KIRREL1: variants seen among roughly 807,000 people sequenced by gnomAD.
KIRREL1 encodes the protein kirre like nephrin family adhesion molecule 1.
A neutral mutation model predicts 83.3 loss-of-function variants in KIRREL1; 25 were observed. The observed-to-expected ratio is 0.30, with a 90% CI of 0.22 to 0.42. The LOEUF (loss-of-function observed/expected upper bound fraction) is 0.42, where lower values mean the gene tolerates loss of function less well. KIRREL1 is among the 10% of genes least tolerant of loss of function. The probability of loss-of-function intolerance (pLI) is 1.00; values close to 1 mark genes in which losing one functional copy is unlikely to be tolerated. For missense variants in KIRREL1, 812 were observed against 1,032.3 expected, an observed-to-expected ratio of 0.79 and a Z score of 2.92; for synonymous variants, 388 against 410.4, an observed-to-expected ratio of 0.95 and a Z score of 0.66.
chr1:158,081,055 C>T (rs56740001), intron 3 of KIRREL1, among the ~76,000 whole-genome samples: 22,250 of 141,472 alleles, frequency 0.16, 4,675 homozygotes, highest in African/African-American at 0.26. Context: ...GCCAGGGGCC[C>T]TCTTCACAAA....
chr1:158,055,238 G>A (rs1018212071), intron 1 of KIRREL1, among the ~76,000 whole-genome samples: 3 of 152,064 alleles, frequency 2.0e-5, no homozygotes, highest in African/African-American at 4.8e-5. Context: ...CAAGGAAGGG[G>A]AGGCGGCCTC....
chr1:158,055,871 C>T (rs2101598395), intron 1 of KIRREL1, among the ~76,000 whole-genome samples: 1 of 152,266 alleles, frequency 6.6e-6, no homozygotes, highest in East Asian at 1.9e-4. Context: ...AGTCCAGCAC[C>T]CTCCAGGAAG....
chr1:158,009,432 C>T (rs1281750645), intron 1 of KIRREL1, among the ~76,000 whole-genome samples: 1 of 152,180 alleles, frequency 6.6e-6, no homozygotes, highest in Non-Finnish European at 1.5e-5. Context: ...GAGCCTCTGA[C>T]CCATGATAGG....
intron 1 of KIRREL1, among the ~76,000 whole-genome samples, chr1:158,013,213 A>C (rs1659735253): frequency 6.6e-6 from 1 of 152,198 alleles, no homozygotes; most frequent in South Asian, 2.1e-4. Context: ...GATGAAGTAA[A>C]GTATTTTGTC....
intron 1 of KIRREL1, among the ~76,000 whole-genome samples, chr1:158,034,893 G>A (rs1194745538): frequency 6.6e-6 from 1 of 152,058 alleles, no homozygotes; most frequent in African/African-American, 2.4e-5. Flanking sequence ...ATATAAATGT[G>A]TACTTTTTTT....
chr1:158,003,174 T>A (rs925053022), intron 1 of KIRREL1, among the ~76,000 whole-genome samples: 1 of 152,062 alleles, frequency 6.6e-6, no homozygotes, highest in Non-Finnish European at 1.5e-5. Flanking sequence ...AAGCCATGAG[T>A]TGCTTTTAAC....
chr1:158,080,680 T>C (rs1355706492), intron 3 of KIRREL1, among the ~76,000 whole-genome samples: 1 of 152,192 alleles, frequency 6.6e-6, no homozygotes, highest in African/African-American at 2.4e-5. Context: ...CTCGGGGCTC[T>C]ACCCATCCAG....
rs1384103264 is a variant in KIRREL1, at chr1:157,993,753, GA to G, written c.52+26del. 3 of 1,452,992 alleles carry G rather than the reference GA, an allele frequency of 2.1e-6. No individual in the cohort carries two copies. The Admixed American group carries it at 7.4e-5, about 36-fold the overall frequency. 90.0% of individuals were successfully genotyped at this position (1,452,992 alleles called of 1,614,324 possible). ...GGTAAGGGCCCCCAGCCCACCCCCG[GA>G]CGCTCGGCTTCCCCCCGGGGCCGGG... is the stretch of plus-strand genomic sequence containing the variant. On this transcript the variant is annotated intron_variant, in intron 1 of 14. Transcript: ENST00000359209.
At position 158,097,021 on chromosome 1, in the gene KIRREL1, C is replaced by A. The variant is rs1055658139; in HGVS notation, c.*1901C>A. On this transcript the variant is annotated 3_prime_UTR_variant, in exon 15 of 15. Coordinates refer to ENST00000359209, the MANE Select transcript of KIRREL1 (RefSeq NM_018240.7). ...GAAGGACCAGATAATACCCAGGAAG[C>A]AAGTAGCTCTAATTTTAACTTCACA... 8.8e-6 allele frequency: 4 copies of A among 456,952 alleles called. No individual in the cohort carries two copies. The highest frequency in any genetic ancestry group is 3.2e-4 in the Middle Eastern group (1 of 3,078). 28.3% of individuals were successfully genotyped at this position (456,952 alleles called of 1,614,324 possible). A position where few individuals can be genotyped will look rare whatever the true frequency, so the allele number is the denominator to read the frequency against.
intron 1 of KIRREL1, among the ~76,000 whole-genome samples, chr1:158,072,917 A>G (rs1661560193): frequency 6.6e-6 from 1 of 152,010 alleles, no homozygotes; most frequent in African/African-American, 2.4e-5. Context: ...ATTACAATGT[A>G]AAAGGGGGAT....
intron 1 of KIRREL1, among the ~76,000 whole-genome samples, chr1:158,055,108 CT>C (rs1661016891): frequency 6.6e-6 from 1 of 152,130 alleles, no homozygotes; most frequent in South Asian, 2.1e-4. Flanking sequence ...CACTAAGCAC[CT>C]GCACTTGGGA....
chr1:158,028,038 C>T (rs1025504810), intron 1 of KIRREL1, among the ~76,000 whole-genome samples: 2 of 152,126 alleles, frequency 1.3e-5, no homozygotes, highest in African/African-American at 4.8e-5. Flanking sequence ...TATTTCTCAT[C>T]ACCTCCCTAC....
chr1:158,005,886 A>T (rs1350482234), intron 1 of KIRREL1, among the ~76,000 whole-genome samples: 1 of 151,792 alleles, frequency 6.6e-6, no homozygotes, highest in African/African-American at 2.4e-5. Context: ...CACAGGCCAG[A>T]GGAGAGAGAC....
intron 1 of KIRREL1, among the ~76,000 whole-genome samples, chr1:158,056,453 A>G (rs998931351): frequency 1.3e-5 from 2 of 152,192 alleles, no homozygotes; most frequent in African/African-American, 4.8e-5. Flanking sequence ...GGAGCAGGCC[A>G]AAGAGCCCCC....
intron 1 of KIRREL1, among the ~76,000 whole-genome samples, chr1:158,059,017 G>A (rs1487172468): frequency 1.3e-5 from 2 of 152,142 alleles, no homozygotes; most frequent in Admixed American, 1.3e-4. Flanking sequence ...CCTGAGTTGT[G>A]GGGCAGATAG....
Position 158,095,712 on chromosome 1 carries a change from T to G in KIRREL1, c.*592T>G, listed in dbSNP as rs1662338563. Reference sequence around the variant, plus strand: ...CACTGCATTCAAATCCAGTCTTCATTCAGCTGGGATCAAAATGCCAGTCAC... The same window carrying G: ...CACTGCATTCAAATCCAGTCTTCATGCAGCTGGGATCAAAATGCCAGTCAC... On this transcript the variant is annotated 3_prime_UTR_variant, in exon 15 of 15. Coordinates refer to ENST00000359209, the MANE Select transcript of KIRREL1 (RefSeq NM_018240.7). The G allele has an allele frequency of 6.6e-6, 1 of 152,290 alleles. No homozygotes were observed. Among genetic ancestry groups the G allele is most frequent in the African/African-American group, 2.4e-5 (1 of 41,446 alleles). 9.4% of individuals were successfully genotyped at this position (152,290 alleles called of 1,614,324 possible).
chr1:158,080,016 T>C (rs886202156), intron 3 of KIRREL1, among the ~76,000 whole-genome samples: 1 of 152,102 alleles, frequency 6.6e-6, no homozygotes, highest in Admixed American at 6.6e-5. Flanking sequence ...TGGAAAGAAT[T>C]AGCAAGGAGC....
intron 10 of KIRREL1, among the ~76,000 whole-genome samples, chr1:158,090,775 T>C (rs963655562): frequency 1.6e-4 from 25 of 152,120 alleles, no homozygotes; most frequent in African/African-American, 6.0e-4. Context: ...CGCCTAAAGA[T>C]TGAGTTATGC....
Position 158,086,740 on chromosome 1 carries a change from G to A in KIRREL1, c.655G>A (p.Val219Met). ...CAAGGAGACTTCCATCGAGCTGGATGTGCACCGTGAGTGGGCTGGGGGGAG... is the reference window on the plus strand; with the variant it reads ...CAAGGAGACTTCCATCGAGCTGGATATGCACCGTGAGTGGGCTGGGGGGAG... ...SGKETSIELD[V>M]HHPPTVTLSI... The change falls in exon 5 of 15, where the codon GTG becomes ATG. Residue 219 changes from valine (V) to methionine (M), a missense_variant. Physicochemically the swap from Val to Met is conservative, Grantham distance 21 (BLOSUM62 1). Transcript: ENST00000359209. The A allele has an allele frequency of 1.3e-6, 2 of 1,551,416 alleles. No individual in the cohort carries two copies. The highest frequency in any genetic ancestry group is 1.7e-6 in the Non-Finnish European group (2 of 1,146,898).
Sources: allele counts gnomAD v4.1 joint callset (sites outside exome capture counted in the v4.1 genomes callset), GRCh38; gene constraint gnomAD v4.1.1; transcripts MANE v1.5; gene names NCBI Gene and HGNC (gene_info 2026-07-23, HGNC 2026-07-21).